Variants in RELCH observed in about 807,000 individuals in gnomAD.
RELCH encodes the protein RAB11-binding protein RELCH.
Under a neutral mutation model 150.3 loss-of-function variants are expected in RELCH, and 41 were observed. That is an observed-to-expected ratio of 0.27 (90% CI 0.21 to 0.35). The LOEUF is 0.35. RELCH is among the 10% of genes least tolerant of loss of function. The pLI, the probability that RELCH is intolerant of heterozygous loss-of-function variation, is 1.00. For synonymous variants in RELCH, 478 were observed against 531.8 expected, an observed-to-expected ratio of 0.90 and a Z score of 1.39; for missense variants, 1,092 against 1,467.8, an observed-to-expected ratio of 0.74 and a Z score of 4.18.
intron 19 of RELCH, 95 bp downstream of exon 19, chr18:62,266,844 T>C: frequency 1.4e-6 from 1 of 716,692 alleles, no homozygotes; most frequent in Non-Finnish European, 2.3e-6. Flanking sequence ...ATAAATGAAC[T>C]AGCAACTACA....
chr18:62,228,513 A>G lies in RELCH; in HGVS notation c.1363A>G (p.Asn455Asp), dbSNP rs997389574. 5 of 1,613,164 alleles carry G rather than the reference A, an allele frequency of 3.1e-6. No individual in the cohort carries two copies. Among genetic ancestry groups the G allele is most frequent in the Non-Finnish European group, 4.2e-6 (5 of 1,179,524 alleles). ...DSTIPKENSP[N>D]SFPRREREGM... ...CACTATTCCTAAAGAGAATTCCCCA[A>G]ATTCATTCCCCAGGAGAGAAAGAGA... Residue 455 changes from asparagine (N) to aspartate (D), a missense_variant, in exon 8 of 29, where the codon AAT becomes GAT. By Grantham distance (23) the Asn-to-Asp change is conservative. Coordinates refer to ENST00000644646, the MANE Select transcript of RELCH (RefSeq NM_001346231.2).
intron 17 of RELCH, 142 bp downstream of exon 17, chr18:62,264,287 C>G: frequency 1.6e-6 from 1 of 625,792 alleles, no homozygotes; most frequent in South Asian, 2.1e-5. Flanking sequence ...AGAGGATTCA[C>G]ACCATTGGAT....
At chr18:62,213,780 T>C (rs1476737750) in intron 2 of RELCH, among the ~76,000 whole-genome samples, 1 of 151,554 alleles carries the variant, frequency 6.6e-6, no homozygotes, top group Non-Finnish European at 1.5e-5. Flanking sequence ...TAATCTCTAT[T>C]TATGTCAATA....
chr18:62,286,260 G>A (rs991318320), intron 25 of RELCH, among the ~76,000 whole-genome samples: 3 of 152,120 alleles, frequency 2.0e-5, no homozygotes, highest in South Asian at 2.1e-4. Flanking sequence ...AGGCCTCAGC[G>A]TGCCAATTAA....
chr18:62,191,126 T>G (rs911088174), intron 1 of RELCH, among the ~76,000 whole-genome samples: 1 of 152,200 alleles, frequency 6.6e-6, no homozygotes, highest in South Asian at 2.1e-4. Flanking sequence ...TTTTTTCCAG[T>G]TTTGTGTTAT....
chr18:62,260,762 G>A (rs746115626), intron 15 of RELCH, among the ~76,000 whole-genome samples: 7 of 151,812 alleles, frequency 4.6e-5, no homozygotes, highest in African/African-American at 1.7e-4. Context: ...CTATCCTGTC[G>A]TTTGCTGCAG....
At chr18:62,211,318 C>T (rs2040154838) in intron 2 of RELCH, 76 bp downstream of exon 2, 1 of 898,238 alleles carries the variant, frequency 1.1e-6, no homozygotes, top group African/African-American at 1.7e-5. Flanking sequence ...GAATTTTTTT[C>T]CTTCTACAGT....
At position 62,282,375 on chromosome 18, in the gene RELCH, T is replaced by C. The variant is rs1443457657; in HGVS notation, c.3184T>C (p.Leu1062=). The change falls in exon 25 of 29, where the codon TTG becomes CTG. Residue 1062 remains leucine (L), a synonymous_variant. Transcript: ENST00000644646. ...EDPQYQDQHS[L]HTEIIKTFGR... is the part of the protein sequence containing the mutation. ...TCCTCAGTATCAAGACCAACATTCTTTGCATACAGAGATCATAAAAACATT... is the reference window on the plus strand; with the variant it reads ...TCCTCAGTATCAAGACCAACATTCTCTGCATACAGAGATCATAAAAACATT... The C allele has an allele frequency of 6.2e-7, 1 of 1,612,832 alleles. No individual in the cohort carries two copies. The highest frequency in any genetic ancestry group is 1.3e-5 in the African/African-American group (1 of 74,940).
intron 20 of RELCH, among the ~76,000 whole-genome samples, chr18:62,269,172 T>C (rs1423315139): frequency 2.0e-5 from 3 of 152,136 alleles, no homozygotes; most frequent in Non-Finnish European, 4.4e-5. Context: ...TTTGATATTT[T>C]GTTAGAAGTG....
chr18:62,289,663 A>T (rs1348110251), intron 26 of RELCH, among the ~76,000 whole-genome samples: 1 of 152,218 alleles, frequency 6.6e-6, no homozygotes, highest in Non-Finnish European at 1.5e-5. Context: ...AAATGCAGTG[A>T]TCTCCCTTAA....
chr18:62,267,245 A>C (rs1372546974), intron 19 of RELCH, among the ~76,000 whole-genome samples: 2 of 151,692 alleles, frequency 1.3e-5, no homozygotes, highest in African/African-American at 4.8e-5. Flanking sequence ...TACTTTAACG[A>C]GTCTAGTTAT....
chr18:62,293,021 GAT>G (rs1362479041), intron 27 of RELCH, among the ~76,000 whole-genome samples: 1 of 152,058 alleles, frequency 6.6e-6, no homozygotes, highest in Non-Finnish European at 1.5e-5. Context: ...TGTTCATCTT[GAT>G]AGTTTCATCC....
chr18:62,290,673 G>T (rs1361930494), intron 26 of RELCH, among the ~76,000 whole-genome samples: 1 of 152,162 alleles, frequency 6.6e-6, no homozygotes, highest in Non-Finnish European at 1.5e-5. Context: ...GTTTTCTGGA[G>T]AAAGTTTTCC....
intron 25 of RELCH, 116 bp from the exon 26 acceptor site, chr18:62,287,235 C>T: frequency 1.6e-6 from 1 of 638,538 alleles, no homozygotes; most frequent in Non-Finnish European, 2.8e-6. Context: ...CTTTTGAAGT[C>T]ATTCAGAATT....
At position 62,207,692 on chromosome 18, in the gene RELCH, C is replaced by T. The variant is rs558169070; in HGVS notation, c.527-3461C>T. Reference sequence around the variant, plus strand: ...AAGTGAAAAATAATTCATATACCATCAATTCACCCTTTTAAAGTGTACAAT... The same window carrying T: ...AAGTGAAAAATAATTCATATACCATTAATTCACCCTTTTAAAGTGTACAAT... On this transcript the variant is annotated intron_variant, in intron 1 of 28. Coordinates refer to ENST00000644646, the MANE Select transcript of RELCH (RefSeq NM_001346231.2). Among the ~76,000 whole-genome samples the T allele has an allele frequency of 3.9e-5, 6 of 152,292 alleles. No homozygotes were observed. In the South Asian group the frequency reaches 1.2e-3, roughly 32 times the overall value.
At chr18:62,240,903 G>A (rs889712413) in intron 10 of RELCH, among the ~76,000 whole-genome samples, 4 of 152,018 alleles carry the variant, frequency 2.6e-5, no homozygotes, top group Non-Finnish European at 5.9e-5. Flanking sequence ...AAATAAGGAG[G>A]GGGAGTTGGG....
At chr18:62,290,205 T>C (rs913087952) in intron 26 of RELCH, among the ~76,000 whole-genome samples, 7 of 152,240 alleles carry the variant, frequency 4.6e-5, no homozygotes, top group Admixed American at 4.6e-4. Flanking sequence ...AACTAAGTCA[T>C]CTTTATAAGG....
At position 62,188,023 on chromosome 18, in the gene RELCH, G is replaced by A; in HGVS notation, c.518G>A (p.Gly173Glu). The change falls in exon 1 of 29, where the codon GGA becomes GAA. Residue 173 changes from glycine to glutamate, a missense_variant. Gly to Glu is a moderately conservative substitution (Grantham distance 98, BLOSUM62 -2). Transcript: ENST00000644646. ...GREPSTASGG[G>E]QLNRAGSIST... ...GAACCGAGTACAGCGTCGGGCGGGG[G>A]ACAGCTCAGTAAGTGGACGCAGCCT... is the stretch of plus-strand genomic sequence containing the variant. 1 of 1,570,194 alleles carries A rather than the reference G, an allele frequency of 6.4e-7. No homozygotes were observed. The highest frequency in any genetic ancestry group is 8.6e-7 in the Non-Finnish European group (1 of 1,158,408).
intron 15 of RELCH, among the ~76,000 whole-genome samples, chr18:62,260,039 C>T (rs2043175949): frequency 1.3e-5 from 2 of 151,592 alleles, no homozygotes; most frequent in Non-Finnish European, 2.9e-5. Context: ...CAAAAATAGA[C>T]AAATGGGATT....
Sources: gnomAD v4.1 joint callset for allele counts (sites outside exome capture counted in the v4.1 genomes callset) on GRCh38, gnomAD v4.1.1 for gene constraint, MANE v1.5 for transcripts, NCBI Gene and HGNC (gene_info 2026-07-23, HGNC 2026-07-21) for gene names.